Variants in VSX1 observed in about 807,000 individuals in gnomAD.
VSX1 encodes homeodomain protein RINX.
In VSX1, 23 loss-of-function variants were observed where a neutral mutation model predicts 23.6. The observed-to-expected ratio is 0.97, with a 90% CI of 0.70 to 1.38. The LOEUF (loss-of-function observed/expected upper bound fraction) is 1.38. Ranked by LOEUF, VSX1 falls within the 40% of genes most tolerant of loss-of-function variation. The pLI, the probability that VSX1 is intolerant of heterozygous loss-of-function variation, is 0.00. For synonymous variants in VSX1, 247 were observed against 215.1 expected (o/e 1.15, Z -1.30); for missense variants, 517 against 495.4 (o/e 1.04, Z -0.41).
At chr20:25,071,960 A>T (rs1469685173), downstream of VSX1, 1 of 644,084 alleles carries the variant, frequency 1.6e-6, no homozygotes, top group African/African-American at 1.8e-5. Flanking sequence ...GGGTCTGGGG[A>T]GCCTGTGTGT....
chr20:25,073,549 C>T (rs1007365133), downstream of VSX1, among the ~76,000 whole-genome samples: 2 of 152,166 alleles, frequency 1.3e-5, no homozygotes, highest in African/African-American at 2.4e-5. Flanking sequence ...TGGCCACGAC[C>T]TAGCCCCAGA....
chr20:25,076,926 A>G (rs941312185), intron 4 of VSX1, among the ~76,000 whole-genome samples: 1 of 152,226 alleles, frequency 6.6e-6, no homozygotes, highest in Non-Finnish European at 1.5e-5. Flanking sequence ...GAGCAAAGTC[A>G]GGACATATCT....
Position 25,076,382 on chromosome 20 carries a change from A to AT in VSX1, c.976dup (p.Ile326AsnfsTer2). The AT allele has an allele frequency of 6.2e-7, 1 of 1,614,114 alleles. No individual in the cohort carries two copies. Among genetic ancestry groups the AT allele is most frequent in the South Asian group, 1.1e-5 (1 of 91,076 alleles). ...CTGCCGGGCAGAGCTGGAGAGGTCA[A>AT]TAGCCACATCTTCCAAGCCATTCTC... On this transcript the variant is annotated frameshift_variant, in exon 5 of 5. Coordinates refer to ENST00000376709, the MANE Select transcript of VSX1 (RefSeq NM_014588.6). LOFTEE classifies it low-confidence loss of function (END_TRUNC).
chr20:25,074,630 T>C (rs896700262), downstream of VSX1, among the ~76,000 whole-genome samples: 1 of 152,226 alleles, frequency 6.6e-6, no homozygotes, highest in Non-Finnish European at 1.5e-5. Flanking sequence ...AGCAAAATTT[T>C]GTCAGCATCA....
chr20:25,081,910 A>C lies in VSX1; in HGVS notation c.187T>G (p.Cys63Gly). ...GAGCCGTCAAGCCCCGGGCCCGGGC[A>C]CGGCGCGACTGCCGGACCCTCGCAG... ...SGCEGPAVAP[C>G]PGPGLDGSSL... Residue 63 changes from cysteine (C) to glycine (G), a missense_variant, in exon 1 of 5, where the codon TGC (cysteine) becomes GGC (glycine). Physicochemically the swap from Cys to Gly is radical, Grantham distance 159 (BLOSUM62 -3). Transcript: ENST00000376709. 6.5e-7 allele frequency: 1 copy of C among 1,528,976 alleles called. No homozygotes were observed. The highest frequency in any genetic ancestry group is 8.7e-7 in the Non-Finnish European group (1 of 1,144,288). The allele number at this position is 1,528,976 out of a possible 1,614,324, so 94.7% of individuals were successfully genotyped here.
Position 25,082,090 on chromosome 20 carries a change from C to T in VSX1, c.7G>A (p.Gly3Ser). MTGRDSLSDGRTS... is the reference protein window; with the variant it reads MTSRDSLSDGRTS... ...CGCCCGTCGGAAAGCGAGTCCCGGC[C>T]GGTCATGGTTCCTTAGCAAGCAAGG... The change falls in exon 1 of 5, where the codon GGC becomes AGC. Residue 3 changes from glycine to serine, a missense_variant. Transcript: ENST00000376709. The T allele has an allele frequency of 3.9e-6, 6 of 1,537,376 alleles. No homozygotes were observed. Among genetic ancestry groups the T allele is most frequent in the Non-Finnish European group, 5.2e-6 (6 of 1,147,760 alleles).
At chr20:25,076,833 C>T (rs932438925) in intron 4 of VSX1, among the ~76,000 whole-genome samples, 1 of 152,174 alleles carries the variant, frequency 6.6e-6, no homozygotes, top group Admixed American at 6.5e-5. Flanking sequence ...CAGTAAGTGC[C>T]CTCCCCCACC....
At chr20:25,074,480 T>G (rs574270753), downstream of VSX1, among the ~76,000 whole-genome samples, 1 of 152,378 alleles carries the variant, frequency 6.6e-6, no homozygotes, top group East Asian at 1.9e-4. Context: ...CTCCTTTTCC[T>G]TTGTAATATT....
chr20:25,078,958 A>G lies in VSX1; in HGVS notation c.504-6T>C, dbSNP rs2089576457. ...GGTGAGCAGTGAAAACTGTCCTGCA[A>G]GGACCCCAAAACACACAGGTGGGCA... On this transcript the variant is annotated splice_region_variant and splice_polypyrimidine_tract_variant and intron_variant, in intron 2 of 4. Transcript: ENST00000376709. 1 of 1,613,408 alleles carries G rather than the reference A, an allele frequency of 6.2e-7. No individual in the cohort carries two copies. The highest frequency in any genetic ancestry group is 8.5e-7 in the Non-Finnish European group (1 of 1,180,024).
downstream of VSX1, chr20:25,071,167 T>C: frequency 4.4e-6 from 2 of 453,798 alleles, no homozygotes; most frequent in Non-Finnish European, 8.8e-6. Context: ...CAGAAACTCC[T>C]CCATTTAAAA....
chr20:25,081,910 A>G lies in VSX1; in HGVS notation c.187T>C (p.Cys63Arg). 6.5e-7 allele frequency: 1 copy of G among 1,528,976 alleles called. No individual in the cohort carries two copies. The highest frequency in any genetic ancestry group is 1.4e-5 in the African/African-American group (1 of 72,674). The allele number at this position is 1,528,976 out of a possible 1,614,324, so 94.7% of individuals were successfully genotyped here. A position where few individuals can be genotyped will look rare whatever the true frequency, so the allele number is the denominator to read the frequency against. The change falls in exon 1 of 5, where the codon TGC (cysteine) becomes CGC (arginine). Residue 63 changes from cysteine (C) to arginine (R), a missense_variant. Transcript: ENST00000376709. ...GAGCCGTCAAGCCCCGGGCCCGGGC[A>G]CGGCGCGACTGCCGGACCCTCGCAG... ...SGCEGPAVAP[C>R]PGPGLDGSSL...
chr20:25,081,703 G>C lies in VSX1; in HGVS notation c.394C>G (p.Gln132Glu). The C allele has an allele frequency of 6.6e-7, 1 of 1,507,632 alleles. No individual in the cohort carries two copies. Among genetic ancestry groups the C allele is most frequent in the Non-Finnish European group, 8.8e-7 (1 of 1,135,418 alleles). The allele number at this position is 1,507,632 out of a possible 1,614,324, so 93.4% of individuals were successfully genotyped here. Reference protein sequence around the residue: ...PSRPPPALGRQKRSDSVSTSD... With the variant: ...PSRPPPALGREKRSDSVSTSD... Reference sequence around the variant, plus strand: ...GTGGAGACGCTGTCGCTGCGCTTCTGGCGGCCGAGCGCAGGCGGCGGACGG... The same window carrying C: ...GTGGAGACGCTGTCGCTGCGCTTCTCGCGGCCGAGCGCAGGCGGCGGACGG... Residue 132 changes from glutamine to glutamate, a missense_variant, in exon 1 of 5, where the codon CAG becomes GAG. Physicochemically the swap from Gln to Glu is conservative, Grantham distance 29 (BLOSUM62 2). Transcript: ENST00000376709.
At chr20:25,071,037 T>G (rs1459642854), downstream of VSX1, 1 of 453,924 alleles carries the variant, frequency 2.2e-6, no homozygotes, top group African/African-American at 2.0e-5. Context: ...GAAGGATGGG[T>G]AATGGACAAT....
Position 25,081,667 on chromosome 20 carries a change from G to C in VSX1, c.424+6C>G. On this transcript the variant is annotated splice_donor_region_variant and intron_variant, in intron 1 of 4. Transcript: ENST00000376709. ...GGGCAGGAGCGGAAAGCGCGGGCCT[G>C]ATTACCGGACGTGGAGACGCTGTCG... The C allele has an allele frequency of 2.0e-6, 3 of 1,521,856 alleles. No individual in the cohort carries two copies. The highest frequency in any genetic ancestry group is 2.6e-6 in the Non-Finnish European group (3 of 1,141,278). 94.3% of individuals were successfully genotyped at this position (1,521,856 alleles called of 1,614,324 possible).
intron 3 of VSX1, chr20:25,078,560 TTC>T: frequency 1.0e-5 from 14 of 1,363,238 alleles, no homozygotes; most frequent in South Asian, 1.9e-5. Flanking sequence ...TTTTTTTTTT[TTC>T]ATTGACATAT....
chr20:25,074,646 C>A (rs2089447871), downstream of VSX1, among the ~76,000 whole-genome samples: 1 of 152,104 alleles, frequency 6.6e-6, no homozygotes, highest in Non-Finnish European at 1.5e-5. Flanking sequence ...CATCATTCCA[C>A]ATTAATAAAT....
chr20:25,081,174 C>T (rs1041970596), intron 1 of VSX1, among the ~76,000 whole-genome samples: 2 of 152,222 alleles, frequency 1.3e-5, no homozygotes, highest in East Asian at 3.8e-4. Flanking sequence ...TTTTCAGCAC[C>T]CCAAGGGGCG....
intron 3 of VSX1, 47 bp downstream of exon 3, chr20:25,078,782 A>T: frequency 6.2e-7 from 1 of 1,613,992 alleles, no homozygotes; most frequent in Non-Finnish European, 8.5e-7. Context: ...TGGGAATGAC[A>T]CGTTCTCTGT....
Position 25,081,661 on chromosome 20 carries a change from GGGCCTGATTACC to G in VSX1, c.424_424+11del. The stretch of plus-strand genomic sequence containing the variant: ...GGACAGGGGCAGGAGCGGAAAGCGC[GGGCCTGATTACC>G]GGACGTGGAGACGCTGTCGCTGCGC... On this transcript the variant is annotated splice_donor_variant and splice_donor_5th_base_variant and coding_sequence_variant and intron_variant, in exon 1 of 5. Coordinates refer to ENST00000376709, the MANE Select transcript of VSX1 (RefSeq NM_014588.6). LOFTEE classifies it high-confidence loss of function. 6.6e-7 allele frequency: 1 copy of G among 1,523,468 alleles called. No individual in the cohort carries two copies. The highest frequency in any genetic ancestry group is 8.8e-7 in the Non-Finnish European group (1 of 1,141,948). The allele number at this position is 1,523,468 out of a possible 1,614,324, so 94.4% of individuals were successfully genotyped here.
Sources: allele counts gnomAD v4.1 joint callset (sites outside exome capture counted in the v4.1 genomes callset), GRCh38; gene constraint gnomAD v4.1.1; transcripts MANE v1.5; gene names NCBI Gene and HGNC (gene_info 2026-07-23, HGNC 2026-07-21).